The following NALF1 variants were observed in gnomAD, a reference collection of about 807,000 sequenced individuals.
The protein encoded by NALF1 is NALCN channel auxiliary factor 1, also known as family with sequence similarity 155 member A.
NALF1 carries 3 observed loss-of-function variants against 48.4 expected under a neutral mutation model. The ratio of observed to expected loss-of-function variants is 0.06; its 90% CI spans 0.03 to 0.16. The LOEUF is 0.16. Ranked by LOEUF, NALF1 falls within the 10% of genes least tolerant of loss-of-function variation. The pLI is 1.00. For missense variants in NALF1, 526 were observed against 571.5 expected (o/e 0.92, Z 0.81); for synonymous variants, 262 against 245.7 (o/e 1.07, Z -0.62).
Position 107,169,550 on chromosome 13 carries a change from G to C in NALF1, c.*947C>G, listed in dbSNP as rs948234790. 6.6e-6 allele frequency: 1 copy of C among 152,166 alleles called. No homozygotes were observed. Among genetic ancestry groups the C allele is most frequent in the Non-Finnish European group, 1.5e-5 (1 of 68,040 alleles). The allele number at this position is 152,166 out of a possible 1,614,324, so 9.4% of individuals were successfully genotyped here. The stretch of plus-strand genomic sequence containing the variant: ...CCTCACTCCCCGCATCCTGATTCTA[G>C]ATAGCTGCTCCTGTCCAACTGGACC... On this transcript the variant is annotated 3_prime_UTR_variant, in exon 3 of 3. Transcript: ENST00000375915.
chr13:107,557,396 G>C (rs182608414), intron 1 of NALF1, among the ~76,000 whole-genome samples: 14 of 152,266 alleles, frequency 9.2e-5, no homozygotes, highest in African/African-American at 3.1e-4. Context: ...ACTTTGGAAA[G>C]GGGATGGGGT....
At chr13:107,578,440 T>G (rs997388221) in intron 1 of NALF1, among the ~76,000 whole-genome samples, 3 of 152,228 alleles carry the variant, frequency 2.0e-5, no homozygotes, top group Admixed American at 1.3e-4. Flanking sequence ...TGTGATGTTT[T>G]CATTGGCCTA....
chr13:107,823,225 G>A (rs73587795), intron 1 of NALF1, among the ~76,000 whole-genome samples: 1 of 152,058 alleles, frequency 6.6e-6, no homozygotes, highest in Non-Finnish European at 1.5e-5. Context: ...ACTTCTCTGC[G>A]GAGTTCTTCT....
At chr13:107,271,791 TATATATATATATATA>T (rs1881173561) in intron 1 of NALF1, among the ~76,000 whole-genome samples, 3 of 123,688 alleles carry the variant, frequency 2.4e-5, no homozygotes, top group Non-Finnish European at 5.2e-5. Context: ...TATATATATA[TATATATATATATATA>T]TATATATATA....
At chr13:107,342,570 A>T (rs1882701280) in intron 1 of NALF1, among the ~76,000 whole-genome samples, 1 of 152,220 alleles carries the variant, frequency 6.6e-6, no homozygotes, top group Non-Finnish European at 1.5e-5. Flanking sequence ...TGAAACAAAT[A>T]CACAGCATAT....
In NALF1 at chr13:107,417,223, C is replaced by A. The variant is rs567970544; in HGVS notation, c.916-206468G>T. 5.3e-5 allele frequency among the ~76,000 whole-genome samples: 8 copies of A among 152,240 alleles called. No individual in the cohort carries two copies. In the South Asian group the frequency reaches 1.5e-3, roughly 28 times the overall value. ...CTAGGCTGGAAGACATTCTGAGCAC[C>A]CTGTTTTATCTTATACTCAAACCAT... On this transcript the variant is annotated intron_variant, in intron 1 of 2. Coordinates refer to ENST00000375915, the MANE Select transcript of NALF1 (RefSeq NM_001080396.3).
chr13:107,351,499 A>G (rs1292402133), intron 1 of NALF1, among the ~76,000 whole-genome samples: 2 of 152,206 alleles, frequency 1.3e-5, no homozygotes, highest in African/African-American at 4.8e-5. Context: ...AGTAATGCAG[A>G]TAAGATGCTC....
chr13:107,626,773 A>G (rs1254944083), intron 1 of NALF1, among the ~76,000 whole-genome samples: 1 of 152,006 alleles, frequency 6.6e-6, no homozygotes, highest in Non-Finnish European at 1.5e-5. Flanking sequence ...TGGTTCCCAG[A>G]GGATGGGAAG....
intron 1 of NALF1, among the ~76,000 whole-genome samples, chr13:107,744,243 T>C (rs1876720064): frequency 6.6e-6 from 1 of 152,228 alleles, no homozygotes. Flanking sequence ...AATTTTCATT[T>C]GCAAGAAAGG....
chr13:107,858,332 G>C (rs1421628628), intron 1 of NALF1, among the ~76,000 whole-genome samples: 2 of 152,154 alleles, frequency 1.3e-5, no homozygotes, highest in Non-Finnish European at 2.9e-5. Flanking sequence ...TGGGATGTTT[G>C]TAAATATTTC....
rs543510063 is a variant in NALF1 at position 107,448,915 on chromosome 13, G to A, written c.916-238160C>T. 4.6e-5 allele frequency among the ~76,000 whole-genome samples: 7 copies of A among 152,294 alleles called. No individual in the cohort carries two copies. In the South Asian group the frequency reaches 1.5e-3, roughly 32 times the overall value. On this transcript the variant is annotated intron_variant, in intron 1 of 2. Coordinates refer to ENST00000375915, the MANE Select transcript of NALF1 (RefSeq NM_001080396.3). The stretch of plus-strand genomic sequence containing the variant: ...CAGTCCTCCCTCTGCCAAATGCCAT[G>A]TAACTCTCCTGCAGAGCAGAGCTAT...
At chr13:107,759,183 G>A (rs1041989533) in intron 1 of NALF1, among the ~76,000 whole-genome samples, 4 of 151,952 alleles carry the variant, frequency 2.6e-5, no homozygotes, top group Non-Finnish European at 5.9e-5. Context: ...AGTAGAAATG[G>A]GTTCATTTGT....
chr13:107,670,139 C>T (rs1291912718), intron 1 of NALF1, among the ~76,000 whole-genome samples: 1 of 152,008 alleles, frequency 6.6e-6, no homozygotes, highest in African/African-American at 2.4e-5. Context: ...AGATTGTCTC[C>T]AGAGAATTTG....
At chr13:107,784,220 T>G (rs1878007233) in intron 1 of NALF1, among the ~76,000 whole-genome samples, 2 of 152,192 alleles carry the variant, frequency 1.3e-5, no homozygotes, top group South Asian at 4.1e-4. Flanking sequence ...CCCCGCTGAC[T>G]TTCAGTGATG....
chr13:107,303,737 A>T lies in NALF1; in HGVS notation c.916-92982T>A, dbSNP rs191443763. 3.5e-3 allele frequency among the ~76,000 whole-genome samples: 531 copies of T among 151,834 alleles called. 3 individuals are homozygous for T. The highest frequency in any genetic ancestry group is 0.012 in the African/African-American group (492 of 41,426). On this transcript the variant is annotated intron_variant, in intron 1 of 2. Coordinates refer to ENST00000375915, the MANE Select transcript of NALF1 (RefSeq NM_001080396.3). ...AGCATTAAGTGTTCTCTTCAAGAAA[A>T]TTTTTTTTTAATCTCCTGAACAATT...
At chr13:107,437,273 A>G (rs1241583471) in intron 1 of NALF1, among the ~76,000 whole-genome samples, 1 of 152,204 alleles carries the variant, frequency 6.6e-6, no homozygotes, top group Admixed American at 6.6e-5. Context: ...GGGTACACTG[A>G]CTATCCTGTA....
At chr13:107,813,703 C>T (rs923726022) in intron 1 of NALF1, among the ~76,000 whole-genome samples, 1 of 151,476 alleles carries the variant, frequency 6.6e-6, no homozygotes, top group African/African-American at 2.4e-5. Context: ...ATTCTGACAT[C>T]GGGATGGGGC....
intron 1 of NALF1, among the ~76,000 whole-genome samples, chr13:107,415,119 G>C (rs994494909): frequency 6.6e-6 from 1 of 152,112 alleles, no homozygotes; most frequent in Non-Finnish European, 1.5e-5. Context: ...ATTTTACTAA[G>C]TATAACTTGA....
intron 1 of NALF1, among the ~76,000 whole-genome samples, chr13:107,845,258 A>G (rs1308128463): frequency 2.0e-5 from 3 of 152,342 alleles, no homozygotes; most frequent in Admixed American, 6.5e-5. Context: ...ATCAAACATC[A>G]GTGTAATGCT....
Sources: gnomAD v4.1 joint callset for allele counts (sites outside exome capture counted in the v4.1 genomes callset) on GRCh38, gnomAD v4.1.1 for gene constraint, MANE v1.5 for transcripts, NCBI Gene and HGNC (gene_info 2026-07-23, HGNC 2026-07-21) for gene names.